The following KIAA0232 variants were observed in gnomAD, a reference collection of about 807,000 sequenced individuals.
KIAA0232 encodes KIAA0232, also known as uncharacterized protein KIAA0232.
In KIAA0232, 27 loss-of-function variants were observed where a neutral mutation model predicts 122.0. The observed-to-expected ratio is 0.22, with a 90% confidence interval of 0.16 to 0.31. The LOEUF (loss-of-function observed/expected upper bound fraction) is 0.31. Ranked by LOEUF, KIAA0232 falls within the 10% of genes least tolerant of loss-of-function variation. The pLI is 1.00. For synonymous variants in KIAA0232, 613 were observed against 587.6 expected, an observed-to-expected ratio of 1.04 and a Z score of -0.63; for missense variants, 1,551 against 1,634.2, an observed-to-expected ratio of 0.95 and a Z score of 0.88.
chr4:6,856,570 C>T (rs909071431), intron 4 of KIAA0232, among the ~76,000 whole-genome samples: 7 of 151,814 alleles, frequency 4.6e-5, no homozygotes, highest in African/African-American at 1.7e-4. Context: ...GTATAGAAGT[C>T]GATAATCTGG....
At chr4:6,858,285 TA>T in intron 5 of KIAA0232, 139 bp from the exon 6 acceptor site, 1 of 565,762 alleles carries the variant, frequency 1.8e-6, no homozygotes, top group Non-Finnish European at 3.2e-6. Flanking sequence ...AGATTTTTAT[TA>T]AAAAGATCGG....
chr4:6,814,686 C>G (rs1429801648), intron 2 of KIAA0232, among the ~76,000 whole-genome samples: 1 of 151,812 alleles, frequency 6.6e-6, no homozygotes, highest in Non-Finnish European at 1.5e-5. Flanking sequence ...AAACAATGAC[C>G]CTGGGAAGCT....
In KIAA0232 at chr4:6,881,149, A is replaced by AT. The variant is rs1372938012; in HGVS notation, c.*191dup. On this transcript the variant is annotated 3_prime_UTR_variant, in exon 10 of 10. Coordinates refer to ENST00000307659, the MANE Select transcript of KIAA0232 (RefSeq NM_014743.3). The stretch of plus-strand genomic sequence containing the variant: ...GTTGAGGACAGCTATCCTGTTAAAG[A>AT]TTTTTTTTCCCAGCTGTTAAATTCT... 13 of 449,476 alleles carry AT rather than the reference A, an allele frequency of 2.9e-5. No homozygotes were observed. The highest frequency in any genetic ancestry group is 4.4e-5 in the Admixed American group (1 of 22,564). 27.8% of individuals were successfully genotyped at this position (449,476 alleles called of 1,614,324 possible). A position where few individuals can be genotyped will look rare whatever the true frequency, so the allele number is the denominator to read the frequency against.
intron 4 of KIAA0232, 104 bp downstream of exon 4, chr4:6,842,308 C>T: frequency 8.8e-7 from 1 of 1,139,288 alleles, no homozygotes; most frequent in East Asian, 2.6e-5. Flanking sequence ...AAACAAAGTA[C>T]TTATTTATTT....
chr4:6,785,489 A>C (rs1415506575), intron 1 of KIAA0232, among the ~76,000 whole-genome samples: 1 of 152,220 alleles, frequency 6.6e-6, no homozygotes, highest in Non-Finnish European at 1.5e-5. Flanking sequence ...TTCACAGAAT[A>C]GTTGGGATGA....
chr4:6,869,436 G>C lies in KIAA0232; in HGVS notation c.3802-2138G>C, dbSNP rs183579103. Among the ~76,000 whole-genome samples the C allele has an allele frequency of 1.7e-3, 257 of 152,330 alleles. 1 individual carries two copies. The highest frequency in any genetic ancestry group is 2.3e-3 in the Non-Finnish European group (156 of 68,024). ...TAAGTAATCTCACAGGACAGGCAAG[G>C]CCTTTCTGAAGAGGTCTTAGAGTGC... On this transcript the variant is annotated intron_variant, in intron 7 of 9. Coordinates refer to ENST00000307659, the MANE Select transcript of KIAA0232 (RefSeq NM_014743.3).
chr4:6,876,643 C>G lies in KIAA0232; in HGVS notation c.3911-17C>G, dbSNP rs753703448. 2.0e-6 allele frequency: 3 copies of G among 1,511,884 alleles called. No individual in the cohort carries two copies. Among genetic ancestry groups the G allele is most frequent in the African/African-American group, 2.7e-5 (2 of 72,966 alleles). The allele number at this position is 1,511,884 out of a possible 1,614,324, so 93.7% of individuals were successfully genotyped here. On this transcript the variant is annotated splice_polypyrimidine_tract_variant and intron_variant, in intron 8 of 9. Coordinates refer to ENST00000307659, the MANE Select transcript of KIAA0232 (RefSeq NM_014743.3). ...CCCCCTTTCCCTCTTTTCCCTTCTC[C>G]ATTCCAAATGATTAAGAATGTTACA... is the stretch of plus-strand genomic sequence containing the variant.
chr4:6,827,079 C>T (rs1009240699), intron 3 of KIAA0232, among the ~76,000 whole-genome samples: 1 of 152,110 alleles, frequency 6.6e-6, no homozygotes, highest in Non-Finnish European at 1.5e-5. Context: ...AAGGAGAATC[C>T]GTAGGGAAAT....
chr4:6,824,149 A>T, intron 2 of KIAA0232, 36 bp from the exon 3 acceptor site: 3 of 487,438 alleles, frequency 6.2e-6, no homozygotes, highest in Non-Finnish European at 1.1e-5. Context: ...TTATTTATAT[A>T]TAATGCATAC....
rs1722119185 is a variant in KIAA0232, at chr4:6,882,347, A to C, written c.*1381A>C. On this transcript the variant is annotated 3_prime_UTR_variant, in exon 10 of 10. Transcript: ENST00000307659. ...CAGAAAAGTCTGATGCGCTCTAGAC[A>C]GCTTCACCACTCATTTGGGCAGGCA... is the stretch of plus-strand genomic sequence containing the variant. 6.6e-6 allele frequency: 1 copy of C among 152,236 alleles called. No homozygotes were observed. The highest frequency in any genetic ancestry group is 6.5e-5 in the Admixed American group (1 of 15,284). The allele number at this position is 152,236 out of a possible 1,614,324, so 9.4% of individuals were successfully genotyped here. A position where few individuals can be genotyped will look rare whatever the true frequency, so the allele number is the denominator to read the frequency against.
intron 4 of KIAA0232, among the ~76,000 whole-genome samples, chr4:6,846,049 C>T (rs1719946600): frequency 6.6e-6 from 1 of 151,760 alleles, no homozygotes; most frequent in South Asian, 2.1e-4. Context: ...TTATTTTCAA[C>T]CCCAGTAAAG....
At chr4:6,877,298 C>T (rs1045642142) in intron 9 of KIAA0232, among the ~76,000 whole-genome samples, 1 of 152,210 alleles carries the variant, frequency 6.6e-6, no homozygotes, top group African/African-American at 2.4e-5. Context: ...ATGTCTGCCT[C>T]TTCCACAAGC....
At chr4:6,803,083 A>C (rs1717460539) in intron 1 of KIAA0232, among the ~76,000 whole-genome samples, 2 of 145,826 alleles carry the variant, frequency 1.4e-5, no homozygotes, top group Admixed American at 7.0e-5. Context: ...GTGGAAGGTG[A>C]GGTGGGAGGA....
rs981823434 is a variant in KIAA0232, at chr4:6,843,847, A to G, written c.369+1643A>G. 2.6e-5 allele frequency among the ~76,000 whole-genome samples: 4 copies of G among 151,770 alleles called. No homozygotes were observed. In the East Asian group the frequency reaches 5.8e-4, roughly 22 times the overall value. On this transcript the variant is annotated intron_variant, in intron 4 of 9. Coordinates refer to ENST00000307659, the MANE Select transcript of KIAA0232 (RefSeq NM_014743.3). ...CTCATGATACATTGTGTATACCTCA[A>G]ATAACATGGCCTTCACATCCTAAGT... is the stretch of plus-strand genomic sequence containing the variant.
At chr4:6,869,610 G>A (rs987902313) in intron 7 of KIAA0232, among the ~76,000 whole-genome samples, 3 of 152,200 alleles carry the variant, frequency 2.0e-5, no homozygotes, top group African/African-American at 7.2e-5. Context: ...TTATTGTTAG[G>A]ATAAGTTGTA....
chr4:6,825,769 T>A (rs980174171), intron 3 of KIAA0232, among the ~76,000 whole-genome samples: 1 of 152,152 alleles, frequency 6.6e-6, no homozygotes, highest in African/African-American at 2.4e-5. Context: ...ATCTTTTGGT[T>A]TTTATAGACA....
intron 4 of KIAA0232, among the ~76,000 whole-genome samples, chr4:6,846,264 G>C (rs886353360): frequency 2.1e-4 from 32 of 152,236 alleles, no homozygotes; most frequent in African/African-American, 7.0e-4. Flanking sequence ...CCCTGCTCCA[G>C]AGCTGTTGTT....
chr4:6,840,869 G>A (rs1719617495), intron 3 of KIAA0232, among the ~76,000 whole-genome samples: 1 of 152,020 alleles, frequency 6.6e-6, no homozygotes, highest in Non-Finnish European at 1.5e-5. Flanking sequence ...ATAACAATAA[G>A]TGAGATAGAA....
chr4:6,856,791 C>T (rs769796540), intron 4 of KIAA0232, among the ~76,000 whole-genome samples: 5 of 152,110 alleles, frequency 3.3e-5, no homozygotes, highest in Non-Finnish European at 5.9e-5. Flanking sequence ...ATCTCGCTCA[C>T]ATAAATATTT....
Sources: allele counts gnomAD v4.1 joint callset (sites outside exome capture counted in the v4.1 genomes callset), GRCh38; gene constraint gnomAD v4.1.1; transcripts MANE v1.5; gene names NCBI Gene and HGNC (gene_info 2026-07-23, HGNC 2026-07-21).